Variants in SMC6 observed in about 807,000 individuals in gnomAD.
The protein encoded by SMC6 is structural maintenance of chromosomes 6.
SMC6 carries 79 observed loss-of-function variants against 142.2 expected under a neutral mutation model. The ratio of observed to expected loss-of-function variants is 0.56; its 90% confidence interval spans 0.46 to 0.67. The LOEUF is 0.67. SMC6 is among the 30% of genes least tolerant of loss of function. The pLI, the probability that SMC6 is intolerant of heterozygous loss-of-function variation, is 0.00. For synonymous variants in SMC6, 411 were observed against 412.4 expected (o/e 1.00, Z 0.04); for missense variants, 1,072 against 1,284.0 (o/e 0.83, Z 2.52).
chr2:17,693,261 T>C (rs938377580), intron 23 of SMC6, among the ~76,000 whole-genome samples: 5 of 152,052 alleles, frequency 3.3e-5, no homozygotes, highest in African/African-American at 9.7e-5. Context: ...TGTATGTTTA[T>C]TGCGGCACTA....
At position 17,695,145 on chromosome 2, in the gene SMC6, T is replaced by C. The variant is rs757472484; in HGVS notation, c.2678+7A>G. 1.9e-6 allele frequency: 3 copies of C among 1,612,996 alleles called. 1 individual carries two copies. The highest frequency in any genetic ancestry group is 2.2e-5 in the South Asian group (2 of 90,784). ...GTGGTAAAGCAGAAAAGCTACCAGC[T>C]ACTTACCTCATTATTTCCTCTCGAT... On this transcript the variant is annotated splice_region_variant and intron_variant, in intron 23 of 27. Coordinates refer to ENST00000448223, the MANE Select transcript of SMC6 (RefSeq NM_001142286.2).
chr2:17,703,341 T>G, intron 18 of SMC6, 49 bp from the exon 19 acceptor site: 1 of 1,523,700 alleles, frequency 6.6e-7, no homozygotes, highest in Admixed American at 2.1e-5. Flanking sequence ...TTTTTCTCAA[T>G]ATTACAAATA....
intron 21 of SMC6, among the ~76,000 whole-genome samples, chr2:17,699,175 C>T (rs753289050): frequency 2.6e-5 from 4 of 151,804 alleles, no homozygotes; most frequent in Admixed American, 6.6e-5. Context: ...AACAAATTCT[C>T]TAAGTTTGCC....
intron 22 of SMC6, 67 bp downstream of exon 22, chr2:17,696,222 G>A (rs1454438771): frequency 1.3e-6 from 2 of 1,533,122 alleles, no homozygotes; most frequent in Non-Finnish European, 1.7e-6. Flanking sequence ...TGACATTAGG[G>A]AAAACACACT....
chr2:17,748,900 T>C (rs962543331), intron 2 of SMC6, among the ~76,000 whole-genome samples: 8 of 152,230 alleles, frequency 5.3e-5, no homozygotes, highest in Non-Finnish European at 1.0e-4. Context: ...TGAGATTCTA[T>C]ATAGAAGACA....
chr2:17,665,654 C>A, intron 27 of SMC6, 41 bp from the exon 28 acceptor site: 1 of 1,319,842 alleles, frequency 7.6e-7, no homozygotes, highest in Non-Finnish European at 1.1e-6. Context: ...TCCAAGAAAC[C>A]TTTTACCAAT....
At position 17,695,080 on chromosome 2, in the gene SMC6, A is replaced by G. The variant is rs1667927066; in HGVS notation, c.2678+72T>C. On this transcript the variant is annotated intron_variant, in intron 23 of 27. Transcript: ENST00000448223. ...CTTCATTCAAATTTAAGACATGTATATGTTTTTCATTTTTTGTCTTGATGA... is the reference window on the plus strand; with the variant it reads ...CTTCATTCAAATTTAAGACATGTATGTGTTTTTCATTTTTTGTCTTGATGA... 3.3e-6 allele frequency: 5 copies of G among 1,525,108 alleles called. No homozygotes were observed. The South Asian group carries it at 4.7e-5, about 14-fold the overall frequency. The allele number at this position is 1,525,108 out of a possible 1,614,324, so 94.5% of individuals were successfully genotyped here.
chr2:17,741,489 C>A, intron 4 of SMC6, 123 bp downstream of exon 4: 2 of 609,318 alleles, frequency 3.3e-6, no homozygotes, highest in East Asian at 2.7e-5. Flanking sequence ...TATTCATAAC[C>A]ACAAGTTATA....
chr2:17,692,855 AC>A (rs1277352284), intron 23 of SMC6, among the ~76,000 whole-genome samples: 1 of 152,224 alleles, frequency 6.6e-6, no homozygotes, highest in Admixed American at 6.5e-5. Flanking sequence ...AAACAAATTT[AC>A]AAGAAAAAAA....
chr2:17,728,263 C>A (rs892189724), intron 7 of SMC6, among the ~76,000 whole-genome samples: 1 of 152,104 alleles, frequency 6.6e-6, no homozygotes, highest in Admixed American at 6.5e-5. Context: ...TGGTGAAACC[C>A]CGTCTCTACA....
chr2:17,669,807 G>GT (rs1356594418), intron 26 of SMC6, among the ~76,000 whole-genome samples: 1 of 152,178 alleles, frequency 6.6e-6, no homozygotes, highest in Non-Finnish European at 1.5e-5. Flanking sequence ...CTGAACCACA[G>GT]TAAGTATAAT....
At position 17,695,243 on chromosome 2, in the gene SMC6, A is replaced by ATTT; in HGVS notation, c.2584_2586dup (p.Lys862dup). On this transcript the variant is annotated inframe_insertion, in exon 23 of 28. Coordinates refer to ENST00000448223, the MANE Select transcript of SMC6 (RefSeq NM_001142286.2). ...ATTTCTTTGTCCAGAATTGATGCAGATTTTTCTACTTCTATACGCTCTGGG... is the reference window on the plus strand; with the variant it reads ...ATTTCTTTGTCCAGAATTGATGCAGATTTTTTTTCTACTTCTATACGCTCTGGG... The ATTT allele has an allele frequency of 6.2e-7, 1 of 1,613,488 alleles. No homozygotes were observed. The highest frequency in any genetic ancestry group is 2.2e-5 in the East Asian group (1 of 44,752).
chr2:17,675,416 T>G (rs1428290657), intron 25 of SMC6, among the ~76,000 whole-genome samples: 1 of 152,112 alleles, frequency 6.6e-6, no homozygotes, highest in Non-Finnish European at 1.5e-5. Context: ...TGTTTTGTAT[T>G]TACCCATAGA....
At chr2:17,690,971 T>C (rs1038243266) in intron 23 of SMC6, among the ~76,000 whole-genome samples, 3 of 149,834 alleles carry the variant, frequency 2.0e-5, no homozygotes, top group Admixed American at 6.6e-5. Context: ...AAAAAAACGC[T>C]GAGTACATAT....
At chr2:17,731,719 T>C in intron 6 of SMC6, 22 bp downstream of exon 6, 1 of 1,602,142 alleles carries the variant, frequency 6.2e-7, no homozygotes. Flanking sequence ...TTATAAGAAA[T>C]GAAAAGAGAA....
At chr2:17,672,584 C>T (rs1666812538) in intron 25 of SMC6, among the ~76,000 whole-genome samples, 1 of 152,088 alleles carries the variant, frequency 6.6e-6, no homozygotes, top group South Asian at 2.1e-4. Flanking sequence ...TATTACCATC[C>T]CTGAAAAGGT....
chr2:17,725,114 A>G (rs1669550360), intron 9 of SMC6, 143 bp downstream of exon 9: 1 of 595,446 alleles, frequency 1.7e-6, no homozygotes, highest in South Asian at 2.2e-5. Context: ...TATAAACACT[A>G]CATTGCATAT....
At chr2:17,707,909 G>A (rs1044422462) in intron 17 of SMC6, among the ~76,000 whole-genome samples, 26 of 151,100 alleles carry the variant, frequency 1.7e-4, no homozygotes, top group Admixed American at 2.6e-4. Context: ...TTACAACAAC[G>A]CTTCATTATT....
chr2:17,739,374 G>C (rs574980715), intron 4 of SMC6, among the ~76,000 whole-genome samples: 3 of 152,286 alleles, frequency 2.0e-5, no homozygotes, highest in African/African-American at 7.2e-5. Context: ...GCCGGGCACA[G>C]TGGTTCACGC....
Sources: allele counts gnomAD v4.1 joint callset (sites outside exome capture counted in the v4.1 genomes callset), GRCh38; gene constraint gnomAD v4.1.1; transcripts MANE v1.5; gene names NCBI Gene and HGNC (gene_info 2026-07-23, HGNC 2026-07-21).